Variants in RXFP1 observed in about 807,000 individuals in gnomAD.
RXFP1 encodes relaxin family peptide receptor 1.
Under a neutral mutation model 89.8 loss-of-function variants are expected in RXFP1, and 73 were observed. The observed-to-expected ratio is 0.81, with a 90% CI of 0.67 to 0.99. RXFP1 has a LOEUF of 0.99. Ranked by LOEUF, RXFP1 falls within the 50% of genes least tolerant of loss-of-function variation. RXFP1 has a pLI of 0.00. For missense variants in RXFP1, 793 were observed against 895.5 expected (o/e 0.89, Z 1.46); for synonymous variants, 277 against 305.5 (o/e 0.91, Z 0.97).
intron 1 of RXFP1, among the ~76,000 whole-genome samples, chr4:158,566,384 T>G (rs80032875): frequency 8.7e-5 from 1 of 11,482 alleles, no homozygotes; most frequent in Non-Finnish European, 2.3e-3. Context: ...ATTTTTTTTT[T>G]GAGAGTTTCG....
chr4:158,539,076 C>T (rs537839646), intron 1 of RXFP1, among the ~76,000 whole-genome samples: 1 of 152,302 alleles, frequency 6.6e-6, no homozygotes, highest in African/African-American at 2.4e-5. Flanking sequence ...CCTGAATTAG[C>T]AACCACCTCC....
chr4:158,591,281 C>T (rs1353714986), intron 2 of RXFP1, among the ~76,000 whole-genome samples: 5 of 152,180 alleles, frequency 3.3e-5, no homozygotes, highest in Non-Finnish European at 7.3e-5. Flanking sequence ...GCTATATATG[C>T]CGACTCTTTC....
Position 158,599,373 on chromosome 4 carries a change from G to C in RXFP1, c.334G>C (p.Asp112His). The C allele has an allele frequency of 4.3e-6, 7 of 1,613,874 alleles. No individual in the cohort carries two copies. The highest frequency in any genetic ancestry group is 5.9e-6 in the Non-Finnish European group (7 of 1,179,898). Residue 112 changes from aspartate to histidine, a missense_variant, in exon 4 of 18, where the codon GAC (aspartate) becomes CAC (histidine). Asp to His is a moderately conservative substitution (Grantham distance 81). Transcript: ENST00000307765. ...ATGTCTTTGCCAAGGTCTGGAGCTT[G>C]ACTGTGATGAAACCAATTTACGAGC... ...VQCLCQGLEL[D>H]CDETNLRAVP...
chr4:158,547,833 G>A (rs1305916694), intron 1 of RXFP1, among the ~76,000 whole-genome samples: 1 of 152,102 alleles, frequency 6.6e-6, no homozygotes. Context: ...TATAATTTCT[G>A]TTCTTTTACA....
At chr4:158,545,362 T>G (rs934967152) in intron 1 of RXFP1, among the ~76,000 whole-genome samples, 1 of 152,232 alleles carries the variant, frequency 6.6e-6, no homozygotes, top group Non-Finnish European at 1.5e-5. Flanking sequence ...CTTTGTCAGA[T>G]AGGTAGGTTG....
In RXFP1 at chr4:158,568,065, C is replaced by T. The variant is rs77235993; in HGVS notation, c.50-4633C>T. The stretch of plus-strand genomic sequence containing the variant: ...ACCCACTGGGAGGAATGAACAACTC[C>T]GAACACACTGCCTTTATGAGCTGTA... On this transcript the variant is annotated intron_variant, in intron 1 of 17. Transcript: ENST00000307765. Among the ~76,000 whole-genome samples the T allele has an allele frequency of 4.1e-3, 623 of 152,236 alleles. 7 individuals carry two copies. The highest frequency in any genetic ancestry group is 0.014 in the African/African-American group (595 of 41,524).
intron 11 of RXFP1, among the ~76,000 whole-genome samples, chr4:158,631,412 G>A (rs943593485): frequency 3.3e-5 from 5 of 152,310 alleles, no homozygotes; most frequent in African/African-American, 1.2e-4. Context: ...AACTGAGCTA[G>A]GCACTGGGTA....
At chr4:158,544,242 T>G in intron 1 of RXFP1, 1 of 985,316 alleles carries the variant, frequency 1.0e-6, no homozygotes, top group Non-Finnish European at 1.2e-6. Context: ...GAGAAATATG[T>G]CTATTTACAT....
Position 158,651,970 on chromosome 4 carries a change from C to T in RXFP1, c.2189C>T (p.Pro730Leu), listed in dbSNP as rs749220123. Residue 730 changes from proline to leucine, a missense_variant, in exon 18 of 18, where the codon CCT (proline) becomes CTT (leucine). Physicochemically the swap from Pro to Leu is moderately conservative, Grantham distance 98. Coordinates refer to ENST00000307765, the MANE Select transcript of RXFP1 (RefSeq NM_021634.4). ...VEMWPLQEMP[P>L]ELMKPDLFTY... is the part of the protein sequence containing the mutation. ...ATGTGGCCACTGCAGGAGATGCCAC[C>T]TGAGTTAATGAAGCCGGACCTTTTC... 14 of 1,613,976 alleles carry T rather than the reference C, an allele frequency of 8.7e-6. No individual in the cohort carries two copies. In the South Asian group the frequency reaches 8.8e-5, roughly 10 times the overall value.
rs369953828 is a variant in RXFP1, at chr4:158,644,949, G to A, written c.1156G>A (p.Val386Ile). Residue 386 changes from valine to isoleucine, a missense_variant, in exon 15 of 18, where the codon GTT becomes ATT. Coordinates refer to ENST00000307765, the MANE Select transcript of RXFP1 (RefSeq NM_021634.4). ...CCAGTACTGTGGGTATGCACCACAT[G>A]TTCGCAGCTGTAAACCAAACACTGA... is the stretch of plus-strand genomic sequence containing the variant. Reference protein sequence around the residue: ...KFQYCGYAPHVRSCKPNTDGI... With the variant: ...KFQYCGYAPHIRSCKPNTDGI... 116 of 1,613,992 alleles carry A rather than the reference G, an allele frequency of 7.2e-5. No individual in the cohort carries two copies. The highest frequency in any genetic ancestry group is 9.2e-5 in the Non-Finnish European group (109 of 1,179,998).
At chr4:158,558,365 T>C (rs1410314550) in intron 1 of RXFP1, among the ~76,000 whole-genome samples, 1 of 152,198 alleles carries the variant, frequency 6.6e-6, no homozygotes, top group African/African-American at 2.4e-5. Flanking sequence ...GAGCCTTCCT[T>C]ATTCATAGCC....
chr4:158,651,755 A>T lies in RXFP1; in HGVS notation c.1976-2A>T, dbSNP rs753307478. On this transcript the variant is annotated splice_acceptor_variant, in intron 17 of 17. Coordinates refer to ENST00000307765, the MANE Select transcript of RXFP1 (RefSeq NM_021634.4). LOFTEE classifies it high-confidence loss of function. ...TAAAACTATTTCATTTTTCTTTTTT[A>T]GGTACCATAACCTCTTGGGTAGTGA... is the stretch of plus-strand genomic sequence containing the variant. 1.9e-6 allele frequency: 3 copies of T among 1,584,960 alleles called. No homozygotes were observed. The highest frequency in any genetic ancestry group is 1.2e-5 in the South Asian group (1 of 86,676).
chr4:158,584,333 C>T (rs1230864005), intron 2 of RXFP1, among the ~76,000 whole-genome samples: 2 of 151,578 alleles, frequency 1.3e-5, no homozygotes, highest in African/African-American at 4.9e-5. Flanking sequence ...ACTCAGGAGG[C>T]AGAGGCAGGA....
intron 11 of RXFP1, among the ~76,000 whole-genome samples, chr4:158,630,239 TG>T (rs1286432616): frequency 8.5e-5 from 13 of 152,178 alleles, no homozygotes; most frequent in African/African-American, 2.9e-4. Flanking sequence ...GAAACACTTT[TG>T]GTGGTCAGTA....
At chr4:158,547,908 G>GA (rs1402223021) in intron 1 of RXFP1, among the ~76,000 whole-genome samples, 5 of 152,098 alleles carry the variant, frequency 3.3e-5, no homozygotes, top group Admixed American at 2.0e-4. Flanking sequence ...GTGTGGTGCT[G>GA]AAAAAAATGT....
At chr4:158,552,855 A>G (rs1242483575) in intron 1 of RXFP1, among the ~76,000 whole-genome samples, 1 of 152,200 alleles carries the variant, frequency 6.6e-6, no homozygotes, top group East Asian at 1.9e-4. Context: ...TGTTCAACAG[A>G]TTTCCAAAAC....
At chr4:158,583,939 T>C (rs1757831692) in intron 2 of RXFP1, among the ~76,000 whole-genome samples, 1 of 152,208 alleles carries the variant, frequency 6.6e-6, no homozygotes, top group Admixed American at 6.5e-5. Flanking sequence ...CAAACTGCTG[T>C]TGTCATTAAA....
At chr4:158,637,964 G>T in intron 12 of RXFP1, 44 bp from the exon 13 acceptor site, 1 of 1,171,972 alleles carries the variant, frequency 8.5e-7, no homozygotes, top group Non-Finnish European at 1.3e-6. Flanking sequence ...CTTTACTCAT[G>T]TAGTTTTTAG....
At chr4:158,585,331 C>T (rs1163196112) in intron 2 of RXFP1, among the ~76,000 whole-genome samples, 1 of 152,138 alleles carries the variant, frequency 6.6e-6, no homozygotes, top group Non-Finnish European at 1.5e-5. Context: ...CAAGGATATT[C>T]CTGAGAAACT....
Sources: allele counts gnomAD v4.1 joint callset (sites outside exome capture counted in the v4.1 genomes callset), GRCh38; gene constraint gnomAD v4.1.1; transcripts MANE v1.5; gene names NCBI Gene and HGNC (gene_info 2026-07-23, HGNC 2026-07-21).